Variants in PSMF1 observed in about 807,000 individuals in gnomAD.
PSMF1 encodes the protein proteasome inhibitor subunit 1.
A neutral mutation model predicts 29.3 loss-of-function variants in PSMF1; 30 were observed. The observed-to-expected ratio is 1.02, with a 90% CI of 0.77 to 1.39. The LOEUF is 1.39. Among genes scored for constraint, PSMF1 ranks in the 40% most tolerant of loss-of-function variants. The probability of loss-of-function intolerance (pLI) is 0.00; values close to 1 mark genes in which losing one functional copy is unlikely to be tolerated. For synonymous variants in PSMF1, 134 were observed against 139.7 expected, an observed-to-expected ratio of 0.96 and a Z score of 0.29; for missense variants, 344 against 357.5, an observed-to-expected ratio of 0.96 and a Z score of 0.31.
intron 1 of PSMF1, among the ~76,000 whole-genome samples, chr20:1,122,183 A>G (rs2086096024): frequency 6.6e-6 from 1 of 152,196 alleles, no homozygotes; most frequent in African/African-American, 2.4e-5. Context: ...TAGCCTGGGC[A>G]ATCAGGAGCT....
rs1220111141 is a variant in PSMF1, at chr20:1,171,430, T to A, written c.*6350T>A. 6.6e-6 allele frequency among the ~76,000 whole-genome samples: 1 copy of A among 152,180 alleles called. No homozygotes were observed. Among genetic ancestry groups the A allele is most frequent in the Non-Finnish European group, 1.5e-5 (1 of 68,034 alleles). ...CCTCGGCCTTCTGAGTTTAGTAGGATGGCAGCTAGTCTTCCCTATTGACAG... is the reference window on the plus strand; with the variant it reads ...CCTCGGCCTTCTGAGTTTAGTAGGAAGGCAGCTAGTCTTCCCTATTGACAG... On this transcript the variant is annotated 3_prime_UTR_variant, in exon 7 of 7. Coordinates refer to ENST00000335877, the MANE Select transcript of PSMF1 (RefSeq NM_006814.5).
At chr20:1,132,162 G>T (rs1193804972) in intron 3 of PSMF1, among the ~76,000 whole-genome samples, 2 of 151,950 alleles carry the variant, frequency 1.3e-5, no homozygotes, top group Non-Finnish European at 2.9e-5. Flanking sequence ...ATTGATTATT[G>T]TAGGCCTTAA....
intron 4 of PSMF1, among the ~76,000 whole-genome samples, chr20:1,154,361 A>G (rs2086567941): frequency 6.6e-6 from 1 of 152,198 alleles, no homozygotes; most frequent in African/African-American, 2.4e-5. Context: ...AACCCTTCTC[A>G]GTCCCTGGTT....
Position 1,118,901 on chromosome 20 carries a change from A to G in PSMF1, c.128A>G (p.Gln43Arg). The G allele has an allele frequency of 1.2e-6, 2 of 1,613,986 alleles. No homozygotes were observed. The highest frequency in any genetic ancestry group is 8.5e-7 in the Non-Finnish European group (1 of 1,179,924). Residue 43 changes from glutamine to arginine, a missense_variant and splice_region_variant, in exon 1 of 7, where the codon CAG (glutamine) becomes CGG (arginine). Gln to Arg is a conservative substitution (Grantham distance 43). Transcript: ENST00000335877. ...TACTTCGGCTTGGGTGTCGGTGACC[A>G]GGTACGCCACGGAGCCGGCCAGGGT... The part of the protein sequence containing the change: ...HGYFGLGVGD[Q>R]PGPNDKKSEL...
At chr20:1,152,550 G>A (rs1184212454) in intron 4 of PSMF1, among the ~76,000 whole-genome samples, 2 of 152,198 alleles carry the variant, frequency 1.3e-5, no homozygotes, top group African/African-American at 4.8e-5. Context: ...TCAGGAGAAT[G>A]GGAAGCCACT....
chr20:1,142,459 C>T (rs1056450508), intron 4 of PSMF1, among the ~76,000 whole-genome samples: 3 of 151,922 alleles, frequency 2.0e-5, no homozygotes, highest in Non-Finnish European at 4.4e-5. Context: ...TGTGATGTTC[C>T]CCTTCCTGTG....
chr20:1,149,145 T>C (rs992205012), intron 4 of PSMF1, among the ~76,000 whole-genome samples: 2 of 152,272 alleles, frequency 1.3e-5, no homozygotes, highest in African/African-American at 4.8e-5. Flanking sequence ...GTTGTTTTCA[T>C]TGAAGCCTTT....
At position 1,146,638 on chromosome 20, in the gene PSMF1, CCCCACCTCT is replaced by C. The variant is rs575765215; in HGVS notation, c.551+11336_551+11344del. ...AGGACTTGGTTCCCTTCCTTCCCTGCCCCACCTCTCCCCCCACGTCAAGGAGAGTATTTT... is the reference window on the plus strand; with the variant it reads ...AGGACTTGGTTCCCTTCCTTCCCTGCCCCCCCACGTCAAGGAGAGTATTTT... On this transcript the variant is annotated intron_variant, in intron 4 of 6. Coordinates refer to ENST00000335877, the MANE Select transcript of PSMF1 (RefSeq NM_006814.5). 5.5e-3 allele frequency among the ~76,000 whole-genome samples: 834 copies of C among 152,214 alleles called. 6 individuals are homozygous for C. Among genetic ancestry groups the C allele is most frequent in the Non-Finnish European group, 8.8e-3 (600 of 68,006 alleles).
At chr20:1,158,151 C>T (rs773444147) in intron 4 of PSMF1, among the ~76,000 whole-genome samples, 4 of 152,018 alleles carry the variant, frequency 2.6e-5, no homozygotes, top group Non-Finnish European at 4.4e-5. Context: ...GCCAGCAGAA[C>T]GCAATGTCAT....
At chr20:1,128,480 C>T (rs2086189051) in intron 3 of PSMF1, among the ~76,000 whole-genome samples, 2 of 152,174 alleles carry the variant, frequency 1.3e-5, no homozygotes, top group East Asian at 3.8e-4. Context: ...ACATCAGTGC[C>T]TACCAAGAAC....
intron 2 of PSMF1, among the ~76,000 whole-genome samples, chr20:1,126,601 G>T (rs1448866170): frequency 6.6e-6 from 1 of 152,134 alleles, no homozygotes; most frequent in Non-Finnish European, 1.5e-5. Flanking sequence ...TCACCCAGGC[G>T]CAGTGGCTCG....
intron 1 of PSMF1, among the ~76,000 whole-genome samples, chr20:1,123,473 T>A (rs967931576): frequency 6.6e-6 from 1 of 152,218 alleles, no homozygotes; most frequent in Non-Finnish European, 1.5e-5. Flanking sequence ...CTTTTTAAAA[T>A]TTTTACATAA....
intron 1 of PSMF1, among the ~76,000 whole-genome samples, chr20:1,123,055 G>A (rs2086110106): frequency 1.3e-5 from 2 of 152,166 alleles, no homozygotes; most frequent in South Asian, 2.1e-4. Context: ...TTGGGGTGAG[G>A]GGATAGTTTC....
At position 1,171,807 on chromosome 20, in the gene PSMF1, C is replaced by G. The variant is rs1157926393; in HGVS notation, c.*6727C>G. 6.6e-6 allele frequency among the ~76,000 whole-genome samples: 1 copy of G among 152,226 alleles called. No homozygotes were observed. Among genetic ancestry groups the G allele is most frequent in the Non-Finnish European group, 1.5e-5 (1 of 68,038 alleles). On this transcript the variant is annotated 3_prime_UTR_variant, in exon 7 of 7. Transcript: ENST00000335877. ...CATCCTGAGAGGAGGGGGCCTGGAC[C>G]TAGGTGTCTTGCCACCCAATACAGA...
At chr20:1,161,900 A>T (rs2086671796) in intron 4 of PSMF1, among the ~76,000 whole-genome samples, 1 of 152,232 alleles carries the variant, frequency 6.6e-6, no homozygotes, top group South Asian at 2.1e-4. Flanking sequence ...ATTCAAGTTA[A>T]CTGTTCTCTT....
intron 4 of PSMF1, among the ~76,000 whole-genome samples, chr20:1,139,513 G>A (rs941254121): frequency 6.6e-6 from 1 of 152,186 alleles, no homozygotes; most frequent in South Asian, 2.1e-4. Flanking sequence ...ACAGAACTAA[G>A]CAAGTTCAGC....
At position 1,135,319 on chromosome 20, in the gene PSMF1, T is replaced by G. The variant is rs746281903; in HGVS notation, c.551+13T>G. ...GGCAGCCTCCCTGGTGAGTACAGAG[T>G]GCCTAGCGGGAAGCCCATGCTTCTG... On this transcript the variant is annotated intron_variant, in intron 4 of 6. Transcript: ENST00000335877. 3.1e-6 allele frequency: 5 copies of G among 1,597,570 alleles called. No homozygotes were observed. Among genetic ancestry groups the G allele is most frequent in the Non-Finnish European group, 4.3e-6 (5 of 1,171,462 alleles).
chr20:1,119,527 A>C (rs1430072982), intron 1 of PSMF1, among the ~76,000 whole-genome samples: 2 of 152,092 alleles, frequency 1.3e-5, no homozygotes, highest in African/African-American at 2.4e-5. Context: ...AATCACCCCC[A>C]GAGTCGTACA....
At position 1,164,992 on chromosome 20, in the gene PSMF1, C is replaced by T. The variant is rs1377775398; in HGVS notation, c.765-37C>T. ...TCTGCCCATGTTCCCCTGGTCTCTC[C>T]ATCACTCCAACTCATCAGCCCCTCT... On this transcript the variant is annotated intron_variant, in intron 6 of 6. Transcript: ENST00000335877. The surrounding 1 kb of genome is among the most constrained non-coding windows in gnomAD (Gnocchi z 4.1). 1.3e-6 allele frequency: 2 copies of T among 1,560,014 alleles called. No individual in the cohort carries two copies. Among genetic ancestry groups the T allele is most frequent in the South Asian group, 1.1e-5 (1 of 89,970 alleles).
Sources: gnomAD v4.1 joint callset for allele counts (sites outside exome capture counted in the v4.1 genomes callset) on GRCh38, gnomAD v4.1.1 for gene constraint, Gnocchi (gnomAD v3.1) non-coding constraint, MANE v1.5 for transcripts, NCBI Gene and HGNC (gene_info 2026-07-23, HGNC 2026-07-21) for gene names.